Variants in DLG2 observed in about 807,000 individuals in gnomAD.
The protein encoded by DLG2 is discs large MAGUK scaffold protein 2.
In DLG2, 45 loss-of-function variants were observed where a neutral mutation model predicts 132.5. The observed-to-expected ratio is 0.34, with a 90% CI of 0.27 to 0.44. DLG2 has a LOEUF of 0.44. DLG2 is among the 20% of genes least tolerant of loss of function. The pLI is 1.00. For missense variants in DLG2, 1,045 were observed against 1,196.9 expected, an observed-to-expected ratio of 0.87 and a Z score of 1.87; for synonymous variants, 424 against 419.6, an observed-to-expected ratio of 1.01 and a Z score of -0.13.
intron 7 of DLG2, among the ~76,000 whole-genome samples, chr11:84,488,348 A>T (rs1265556260): frequency 6.6e-6 from 1 of 152,112 alleles, no homozygotes; most frequent in East Asian, 1.9e-4. Flanking sequence ...TCGGGTAAGG[A>T]TGGTAAGATG....
intron 19 of DLG2, among the ~76,000 whole-genome samples, chr11:83,549,597 T>C (rs1162676000): frequency 1.3e-5 from 2 of 152,186 alleles, no homozygotes; most frequent in Admixed American, 6.6e-5. Context: ...TAAAAATGCA[T>C]ATGTAGTAAA....
chr11:83,572,529 C>T (rs661927), intron 19 of DLG2, among the ~76,000 whole-genome samples: 68,894 of 151,972 alleles, frequency 0.45, 16,031 homozygotes, highest in Admixed American at 0.56. Flanking sequence ...AGACAGGTAG[C>T]AGACCTATCT....
rs2075850758 is a variant in DLG2, at chr11:85,241,015, T to A, written c.186+44205A>T. ...GATACATTTGGAGAGAAATTTGACA[T>A]TTTCATATTAAATATCTCTATGAAC... On this transcript the variant is annotated intron_variant, in intron 4 of 27. Coordinates refer to ENST00000376104, the MANE Select transcript of DLG2 (RefSeq NM_001142699.3). 2.0e-5 allele frequency among the ~76,000 whole-genome samples: 3 copies of A among 151,840 alleles called. No individual in the cohort carries two copies. In the South Asian group the frequency reaches 6.2e-4, roughly 31 times the overall value.
At chr11:84,928,988 A>G (rs757415333) in intron 6 of DLG2, among the ~76,000 whole-genome samples, 15,857 of 51,540 alleles carry the variant, frequency 0.31, 1,385 homozygotes, top group East Asian at 0.51. Context: ...GTGTGTATAT[A>G]TATATATATA....
chr11:84,148,207 C>G (rs932625693), intron 9 of DLG2, among the ~76,000 whole-genome samples: 1 of 151,972 alleles, frequency 6.6e-6, no homozygotes, highest in Non-Finnish European at 1.5e-5. Flanking sequence ...TGGAATTTTA[C>G]AAATTATAAT....
At chr11:84,165,452 T>C (rs1221698098) in intron 8 of DLG2, among the ~76,000 whole-genome samples, 2 of 152,232 alleles carry the variant, frequency 1.3e-5, no homozygotes, top group East Asian at 1.9e-4. Flanking sequence ...CAAAGTTCCT[T>C]AGTCAGCTAC....
intron 6 of DLG2, among the ~76,000 whole-genome samples, chr11:84,798,835 C>T (rs143722926): frequency 7.9e-5 from 12 of 152,246 alleles, no homozygotes; most frequent in Middle Eastern, 6.8e-3. Flanking sequence ...AGGTGGGTTC[C>T]CTTCTGGCCC....
At chr11:83,785,275 C>T (rs750674597) in intron 18 of DLG2, among the ~76,000 whole-genome samples, 4 of 152,022 alleles carry the variant, frequency 2.6e-5, no homozygotes, top group African/African-American at 7.3e-5. Flanking sequence ...AGGATGGTCT[C>T]GATCTCCTGA....
intron 6 of DLG2, among the ~76,000 whole-genome samples, chr11:84,996,577 G>A (rs888855039): frequency 1.3e-5 from 2 of 152,042 alleles, no homozygotes; most frequent in Admixed American, 6.6e-5. Context: ...AGGCCAAGGT[G>A]GCCTACTTAT....
chr11:84,824,536 A>G (rs2078094276), intron 6 of DLG2, among the ~76,000 whole-genome samples: 1 of 151,920 alleles, frequency 6.6e-6, no homozygotes, highest in South Asian at 2.1e-4. Flanking sequence ...CTTTTTATTC[A>G]TGAAAATCAG....
Position 85,560,058 on chromosome 11 carries a change from T to G in DLG2, c.40+38599A>C. Among the ~76,000 whole-genome samples the G allele has an allele frequency of 2.0e-5, 3 of 151,976 alleles. No homozygotes were observed. In the Middle Eastern group the frequency reaches 0.01, roughly 517 times the overall value. ...ATAAGATACCACTAATTCCCTAGAA[T>G]AGCTAGAATTAGAAAGATAGACAAT... On this transcript the variant is annotated intron_variant, in intron 3 of 27. Coordinates refer to ENST00000376104, the MANE Select transcript of DLG2 (RefSeq NM_001142699.3).
At chr11:84,599,937 T>C (rs940068013) in intron 6 of DLG2, among the ~76,000 whole-genome samples, 2 of 150,672 alleles carry the variant, frequency 1.3e-5, no homozygotes, top group African/African-American at 4.9e-5. Flanking sequence ...GAGGCTGAGG[T>C]AGGAAGATCA....
At chr11:84,627,778 T>G (rs2099625233) in intron 6 of DLG2, among the ~76,000 whole-genome samples, 1 of 152,020 alleles carries the variant, frequency 6.6e-6, no homozygotes, top group Non-Finnish European at 1.5e-5. Flanking sequence ...TGGCAGAATG[T>G]GAAACAGGAG....
intron 6 of DLG2, among the ~76,000 whole-genome samples, chr11:85,062,842 T>C (rs1236256464): frequency 6.6e-6 from 1 of 151,700 alleles, no homozygotes; most frequent in Non-Finnish European, 1.5e-5. Flanking sequence ...ACAACTAGGT[T>C]GTGGTTTTTG....
chr11:84,399,997 A>G (rs928282461), intron 7 of DLG2, among the ~76,000 whole-genome samples: 2 of 152,188 alleles, frequency 1.3e-5, no homozygotes, highest in African/African-American at 2.4e-5. Flanking sequence ...TTCTTCAACT[A>G]TGGTAGATCC....
intron 11 of DLG2, among the ~76,000 whole-genome samples, chr11:84,032,906 A>G (rs2095745428): frequency 1.3e-5 from 2 of 152,166 alleles, no homozygotes; most frequent in African/African-American, 4.8e-5. Flanking sequence ...GAAACTGCAA[A>G]GCCTGGATGA....
At chr11:83,814,556 G>A (rs1219940949) in intron 17 of DLG2, 1 of 196,612 alleles carries the variant, frequency 5.1e-6, no homozygotes, top group African/African-American at 2.3e-5. Context: ...AGGTCTGCAA[G>A]ACCATTCTCT....
chr11:85,397,341 G>A (rs970365065), intron 3 of DLG2, among the ~76,000 whole-genome samples: 4 of 152,072 alleles, frequency 2.6e-5, no homozygotes, highest in Non-Finnish European at 5.9e-5. Context: ...ATGGTAAAGA[G>A]CATCAATGAT....
chr11:84,372,391 C>G (rs1046752272), intron 7 of DLG2, among the ~76,000 whole-genome samples: 5 of 152,082 alleles, frequency 3.3e-5, no homozygotes, highest in Non-Finnish European at 5.9e-5. Context: ...TTATAAAAAG[C>G]TGTGATGATT....
Sources: allele counts gnomAD v4.1 joint callset (sites outside exome capture counted in the v4.1 genomes callset), GRCh38; gene constraint gnomAD v4.1.1; transcripts MANE v1.5; gene names NCBI Gene and HGNC (gene_info 2026-07-23, HGNC 2026-07-21).